Variants in WDR41 observed in about 807,000 individuals in gnomAD.
WDR41 encodes WD repeat-containing protein 41.
In WDR41, 63 loss-of-function variants were observed where a neutral mutation model predicts 69.3. That is an observed-to-expected ratio of 0.91 (90% CI 0.74 to 1.12). WDR41 has a LOEUF of 1.12. Among genes scored for constraint, WDR41 ranks in the 50% most tolerant of loss-of-function variants. WDR41 has a pLI of 0.00. For synonymous variants in WDR41, 185 were observed against 192.1 expected (o/e 0.96, Z 0.31); for missense variants, 543 against 534.5 (o/e 1.02, Z -0.16).
chr5:77,489,632 T>G (rs922870133), intron 1 of WDR41, 60 bp from the exon 2 acceptor site: 2 of 1,076,314 alleles, frequency 1.9e-6, no homozygotes, highest in African/African-American at 3.2e-5. Context: ...ATAAAATGAT[T>G]TGTAAGACCA....
chr5:77,520,814 T>G (rs957340732), intron 1 of WDR41, among the ~76,000 whole-genome samples: 1 of 152,204 alleles, frequency 6.6e-6, no homozygotes, highest in South Asian at 2.1e-4. Context: ...TTATTTAACC[T>G]ATCAAGACCT....
chr5:77,496,069 C>T (rs934106521), upstream of WDR41, among the ~76,000 whole-genome samples: 1 of 151,982 alleles, frequency 6.6e-6, no homozygotes, highest in Non-Finnish European at 1.5e-5. Flanking sequence ...ATCCAACACC[C>T]TTTTATCACA....
intron 1 of WDR41, among the ~76,000 whole-genome samples, chr5:77,561,022 C>G (rs1395604533): frequency 5.9e-5 from 9 of 152,146 alleles, no homozygotes; most frequent in Non-Finnish European, 1.3e-4. Flanking sequence ...TTAAAATAGT[C>G]TTGGTTGCCC....
intron 1 of WDR41, among the ~76,000 whole-genome samples, chr5:77,607,612 AT>A (rs919377090): frequency 6.6e-6 from 1 of 152,252 alleles, no homozygotes. Flanking sequence ...TCTTCTAGAT[AT>A]GTCATTCCAA....
rs1554032662 is a variant in WDR41 at position 77,489,581 on chromosome 5, G to GGAA, written c.52-10_52-9insTTC. The GGAA allele has an allele frequency of 2.6e-3, 2,567 of 1,000,212 alleles. 12 individuals are homozygous for GGAA. The highest frequency in any genetic ancestry group is 6.7e-3 in the South Asian group (405 of 60,498). The allele number at this position is 1,000,212 out of a possible 1,614,324, so 62.0% of individuals were successfully genotyped here. A position where few individuals can be genotyped will look rare whatever the true frequency, so the allele number is the denominator to read the frequency against. On this transcript the variant is annotated splice_polypyrimidine_tract_variant and intron_variant, in intron 1 of 12. Coordinates refer to ENST00000296679, the MANE Select transcript of WDR41 (RefSeq NM_018268.4). ...GTCTGTAAAGGAGATTTCTTGTATT[G>GGAA]AAAAAAAAAAAAAAGCAAAAAACAA...
At chr5:77,554,908 C>T (rs2112247169) in intron 1 of WDR41, among the ~76,000 whole-genome samples, 3 of 151,918 alleles carry the variant, frequency 2.0e-5, no homozygotes. Flanking sequence ...CACTTGAGCC[C>T]AGGAATTCGA....
chr5:77,531,032 A>G (rs529022045), intron 1 of WDR41, among the ~76,000 whole-genome samples: 2 of 151,960 alleles, frequency 1.3e-5, no homozygotes, highest in Admixed American at 6.6e-5. Context: ...ACCTAAATAT[A>G]AGAACTAAAA....
intron 1 of WDR41, among the ~76,000 whole-genome samples, chr5:77,563,701 A>C (rs556263778): frequency 3.3e-5 from 5 of 152,318 alleles, no homozygotes; most frequent in Non-Finnish European, 5.9e-5. Context: ...TACTGCAGAC[A>C]CTGGAGAAAC....
chr5:77,565,897 G>A (rs1743617863), intron 1 of WDR41, among the ~76,000 whole-genome samples: 1 of 152,144 alleles, frequency 6.6e-6, no homozygotes, highest in Non-Finnish European at 1.5e-5. Context: ...ACATCTGAAG[G>A]TGTATTGTAG....
intron 2 of WDR41, among the ~76,000 whole-genome samples, chr5:77,478,619 TCAA>T (rs1415597038): frequency 4.6e-5 from 7 of 152,128 alleles, no homozygotes; most frequent in Non-Finnish European, 1.0e-4. Context: ...TTGACAAAAT[TCAA>T]CAACACTTCA....
chr5:77,508,328 G>T (rs1405501668), intron 1 of WDR41, among the ~76,000 whole-genome samples: 1 of 152,120 alleles, frequency 6.6e-6, no homozygotes, highest in South Asian at 2.1e-4. Flanking sequence ...TGCCCAGACT[G>T]ATCTTGAACT....
At chr5:77,439,153 A>C (rs1407087891) in intron 9 of WDR41, among the ~76,000 whole-genome samples, 2 of 152,152 alleles carry the variant, frequency 1.3e-5, no homozygotes, top group Non-Finnish European at 2.9e-5. Flanking sequence ...TAGCCTTTGA[A>C]ATTTTTGCAA....
chr5:77,472,068 AT>A (rs1800647109), intron 2 of WDR41, among the ~76,000 whole-genome samples: 1 of 152,366 alleles, frequency 6.6e-6, no homozygotes, highest in African/African-American at 2.4e-5. Flanking sequence ...CAAAAAGCTT[AT>A]CCACCATGAT....
chr5:77,440,169 T>C (rs1192121359), intron 9 of WDR41, among the ~76,000 whole-genome samples: 2 of 152,220 alleles, frequency 1.3e-5, no homozygotes, highest in South Asian at 2.1e-4. Context: ...CCTCCCCAAC[T>C]CCTTCTCCTC....
intron 1 of WDR41, among the ~76,000 whole-genome samples, chr5:77,558,094 T>TTAAAAAAAAAAAAAAAAAAAA (rs1554036365): frequency 4.8e-5 from 5 of 104,302 alleles, no homozygotes; most frequent in African/African-American, 1.4e-4. Flanking sequence ...ATGTTCTTTT[T>TTAAAAAAAAAAAAAAAAAAAA]AAAAAAAAAA....
At chr5:77,442,038 A>G (rs893651392) in intron 8 of WDR41, among the ~76,000 whole-genome samples, 25 of 152,232 alleles carry the variant, frequency 1.6e-4, no homozygotes, top group Non-Finnish European at 2.6e-4. Flanking sequence ...AAAATACCCA[A>G]CACAGTACTG....
At chr5:77,528,303 T>G (rs1802478200) in intron 1 of WDR41, among the ~76,000 whole-genome samples, 1 of 151,638 alleles carries the variant, frequency 6.6e-6, no homozygotes, top group Non-Finnish European at 1.5e-5. Flanking sequence ...AATTAAAATT[T>G]TAGATAAAAC....
At chr5:77,610,352 G>A (rs1422435034) in intron 1 of WDR41, among the ~76,000 whole-genome samples, 10 of 152,160 alleles carry the variant, frequency 6.6e-5, no homozygotes, top group Non-Finnish European at 1.0e-4. Context: ...ACACATAATT[G>A]TCAGATTCAC....
intron 2 of WDR41, among the ~76,000 whole-genome samples, chr5:77,474,945 G>A (rs2112012274): frequency 6.6e-6 from 1 of 152,296 alleles, no homozygotes; most frequent in Admixed American, 6.5e-5. Flanking sequence ...GTGGGCGCAG[G>A]TCAGTGGGTG....
Sources: gnomAD v4.1 joint callset for allele counts (sites outside exome capture counted in the v4.1 genomes callset) on GRCh38, gnomAD v4.1.1 for gene constraint, MANE v1.5 for transcripts, NCBI Gene and HGNC (gene_info 2026-07-23, HGNC 2026-07-21) for gene names.